The following CCDC74A variants were observed in gnomAD, a reference collection of about 807,000 sequenced individuals.
The protein encoded by CCDC74A is coiled-coil domain-containing protein 74A.
A neutral mutation model predicts 37.6 loss-of-function variants in CCDC74A; 38 were observed. That is an observed-to-expected ratio of 1.01 (90% CI 0.78 to 1.33). CCDC74A has a LOEUF of 1.33. CCDC74A is among the 40% of genes most tolerant of loss of function. The pLI, the probability that CCDC74A is intolerant of heterozygous loss-of-function variation, is 0.00. For missense variants in CCDC74A, 340 were observed against 403.4 expected, an observed-to-expected ratio of 0.84 and a Z score of 1.35; for synonymous variants, 134 against 165.2, an observed-to-expected ratio of 0.81 and a Z score of 1.45.
chr2:131,528,221 G>T lies in CCDC74A; in HGVS notation c.250+1G>T. On this transcript the variant is annotated splice_donor_variant, in intron 1 of 7. Transcript: ENST00000409856. LOFTEE classifies it high-confidence loss of function. ...GAGCATCTGAAGCGGGAAAACAAGG[G>T]TGAGCCGGCGCGGGGCCCTAGGCCG... 6.2e-7 allele frequency: 1 copy of T among 1,611,786 alleles called. No homozygotes were observed. The highest frequency in any genetic ancestry group is 8.5e-7 in the Non-Finnish European group (1 of 1,179,240).
Position 131,529,669 on chromosome 2 carries a change from G to A in CCDC74A, c.273G>A (p.Met91Ile), listed in dbSNP as rs373190695. 8.1e-6 allele frequency: 13 copies of A among 1,613,914 alleles called. No individual in the cohort carries two copies. Among genetic ancestry groups the A allele is most frequent in the Non-Finnish European group, 9.3e-6 (11 of 1,179,880 alleles). ...ENKDLHYKLI[M>I]NQTSQKKDSL... is the part of the protein sequence containing the mutation. ...CAGATCTCCATTACAAGCTCATAAT[G>A]AATCAGACATCACAGAAGAAAGGTG... The change falls in exon 2 of 8, where the codon ATG becomes ATA. Residue 91 changes from methionine to isoleucine, a missense_variant. Around this residue, in one of 3 missense-constraint regions of CCDC74A, gnomAD observed 154 missense variants for 153.9 expected, o/e 1.00. Transcript: ENST00000409856.
chr2:131,522,992 A>C (rs925892178), upstream of CCDC74A, among the ~76,000 whole-genome samples: 5 of 152,140 alleles, frequency 3.3e-5, no homozygotes, highest in African/African-American at 1.2e-4. Context: ...CAGCCTCTTA[A>C]CTCCTGGGCT....
At chr2:131,524,894 A>C (rs1207300394), upstream of CCDC74A, among the ~76,000 whole-genome samples, 1 of 137,308 alleles carries the variant, frequency 7.3e-6, no homozygotes, top group African/African-American at 2.5e-5. Flanking sequence ...GACAAAAAAA[A>C]AAAAAAAAAA....
upstream of CCDC74A, among the ~76,000 whole-genome samples, chr2:131,523,456 C>T (rs1680195172): frequency 6.6e-6 from 1 of 152,048 alleles, no homozygotes; most frequent in Non-Finnish European, 1.5e-5. Flanking sequence ...GGTGAAATCC[C>T]ATCTCTACTA....
At position 131,531,306 on chromosome 2, in the gene CCDC74A, C is replaced by A. The variant is rs576405213; in HGVS notation, c.347-358C>A. Among the ~76,000 whole-genome samples, 78 of 152,196 alleles carry A rather than the reference C, an allele frequency of 5.1e-4. 2 individuals are homozygous for A. In the South Asian group the frequency reaches 0.016, roughly 31 times the overall value. ...GGCATTTTCCTCAGCCCTGCCCTAA[C>A]CCCCACCATTCCTGTGATGGGCCCA... On this transcript the variant is annotated intron_variant, in intron 3 of 7. Coordinates refer to ENST00000409856, the MANE Select transcript of CCDC74A (RefSeq NM_001258306.3).
chr2:131,524,886 CAAAAAA>C (rs57589680), upstream of CCDC74A, among the ~76,000 whole-genome samples: 143 of 98,226 alleles, frequency 1.5e-3, no homozygotes, highest in East Asian at 4.8e-3. Context: ...CATAGTAAGA[CAAAAAA>C]AAAAAAAAAA....
Position 131,529,696 on chromosome 2 carries a change from G to C in CCDC74A, c.295+5G>C. 1 of 1,613,882 alleles carries C rather than the reference G, an allele frequency of 6.2e-7. No homozygotes were observed. Among genetic ancestry groups the C allele is most frequent in the African/African-American group, 1.3e-5 (1 of 75,060 alleles). ...ATCAGACATCACAGAAGAAAGGTGA[G>C]AACTGGGCCCTTCAGTGACTGATGG... On this transcript the variant is annotated splice_donor_5th_base_variant and intron_variant, in intron 2 of 7. Coordinates refer to ENST00000409856, the MANE Select transcript of CCDC74A (RefSeq NM_001258306.3).
chr2:131,522,817 A>G (rs1354488495), upstream of CCDC74A, among the ~76,000 whole-genome samples: 1 of 152,200 alleles, frequency 6.6e-6, no homozygotes, highest in South Asian at 2.1e-4. Context: ...GGAGAAATCT[A>G]TACCTTTCCC....
upstream of CCDC74A, among the ~76,000 whole-genome samples, chr2:131,525,411 T>C (rs906720729): frequency 2.0e-5 from 3 of 152,136 alleles, no homozygotes; most frequent in African/African-American, 7.2e-5. Flanking sequence ...GGAGACAGGG[T>C]CTGGCTATAT....
At chr2:131,529,299 C>T (rs1425221210) in intron 1 of CCDC74A, 1 of 499,822 alleles carries the variant, frequency 2.0e-6, no homozygotes, top group Non-Finnish European at 3.7e-6. Flanking sequence ...CCCGCAGTCC[C>T]TGATCCCCAC....
At chr2:131,529,376 T>C (rs1162057156) in intron 1 of CCDC74A, 14 of 620,072 alleles carry the variant, frequency 2.3e-5, no homozygotes, top group East Asian at 2.8e-5. Context: ...GCCCAGGCCC[T>C]GCCTGGGCAG....
At chr2:131,529,893 C>T (rs1680923877) in intron 2 of CCDC74A, 26 of 1,496,302 alleles carry the variant, frequency 1.7e-5, no homozygotes, top group East Asian at 2.5e-5. Context: ...GTGCTGCTCT[C>T]GGGAAGCCCA....
intron 1 of CCDC74A, 75 bp from the exon 2 acceptor site, chr2:131,529,572 A>G (rs1357665173): frequency 3.8e-6 from 6 of 1,595,704 alleles, no homozygotes; most frequent in Non-Finnish European, 4.3e-6. Flanking sequence ...CAGCCAGGAG[A>G]GGACAGGCCA....
chr2:131,532,288 C>T (rs1407940935), intron 4 of CCDC74A, among the ~76,000 whole-genome samples: 6 of 131,816 alleles, frequency 4.6e-5, no homozygotes, highest in Non-Finnish European at 1.0e-4. Flanking sequence ...CTGCACATCC[C>T]AAGACCAGGC....
intron 5 of CCDC74A, 39 bp from the exon 6 acceptor site, chr2:131,532,825 C>T (rs761887443): frequency 2.9e-5 from 46 of 1,612,856 alleles, no homozygotes; most frequent in Non-Finnish European, 3.6e-5. Context: ...AGTCTGGCAC[C>T]GCCACAGGCC....
chr2:131,532,867 C>A lies in CCDC74A; in HGVS notation c.682C>A (p.Arg228=). ...NTNLLQTQEL[R]HLKSLLEGSQ... ...TGCCCCTGCCCCTGCCTTTCAGCTG[C>A]GGCACCTCAAGTCCCTCCTGGAAGG... Residue 228 remains arginine (R), a synonymous_variant, in exon 6 of 8, where the codon CGG becomes AGG. Coordinates refer to ENST00000409856, the MANE Select transcript of CCDC74A (RefSeq NM_001258306.3). The A allele has an allele frequency of 6.2e-7, 1 of 1,613,354 alleles. No individual in the cohort carries two copies.
At chr2:131,524,212 C>T (rs1020100537), upstream of CCDC74A, among the ~76,000 whole-genome samples, 7 of 152,072 alleles carry the variant, frequency 4.6e-5, no homozygotes, top group African/African-American at 1.7e-4. Context: ...ACTATTAACT[C>T]GGACACCTTC....
intron 1 of CCDC74A, chr2:131,528,511 T>A (rs1349751830): frequency 1.4e-6 from 2 of 1,440,470 alleles, no homozygotes; most frequent in Non-Finnish European, 9.5e-7. Context: ...ACACCTCTGT[T>A]AAAAACTTTA....
upstream of CCDC74A, among the ~76,000 whole-genome samples, chr2:131,524,223 C>T (rs1183590757): frequency 6.6e-6 from 1 of 152,120 alleles, no homozygotes; most frequent in African/African-American, 2.4e-5. Context: ...GGACACCTTC[C>T]ACTGCTAACA....
Sources: gnomAD v4.1 joint callset for allele counts (sites outside exome capture counted in the v4.1 genomes callset) on GRCh38, gnomAD v4.1.1 for gene constraint, gnomAD v4.1.1 regional missense constraint, MANE v1.5 for transcripts, NCBI Gene and HGNC (gene_info 2026-07-23, HGNC 2026-07-21) for gene names.